The following LAMA2 variants were observed in gnomAD, a reference collection of about 807,000 sequenced individuals.
The protein encoded by LAMA2 is laminin subunit alpha 2, also known as laminin subunit alpha-2.
Under a neutral mutation model 364.8 loss-of-function variants are expected in LAMA2, and 269 were observed. The ratio of observed to expected loss-of-function variants is 0.74; its 90% CI spans 0.67 to 0.82. LAMA2 has a LOEUF of 0.82. Among genes scored for constraint, LAMA2 ranks in the 40% least tolerant of loss-of-function variants. The probability of loss-of-function intolerance (pLI) is 0.00; values close to 1 mark genes in which losing one functional copy is unlikely to be tolerated. For synonymous variants in LAMA2, 1,379 were observed against 1,370.6 expected, an observed-to-expected ratio of 1.01 and a Z score of -0.14; for missense variants, 3,807 against 3,873.2, an observed-to-expected ratio of 0.98 and a Z score of 0.45.
chr6:129,110,240 A>G (rs1049110241), intron 4 of LAMA2, among the ~76,000 whole-genome samples: 4 of 152,064 alleles, frequency 2.6e-5, no homozygotes, highest in Non-Finnish European at 5.9e-5. Flanking sequence ...CAAACTGTGA[A>G]GCAGGAACAA....
At chr6:128,943,072 T>C (rs1462984497) in intron 1 of LAMA2, among the ~76,000 whole-genome samples, 2 of 152,238 alleles carry the variant, frequency 1.3e-5, no homozygotes, top group East Asian at 1.9e-4. Context: ...TTAAGACATA[T>C]AGGTTTTATT....
chr6:128,955,639 C>T (rs941643746), intron 1 of LAMA2, among the ~76,000 whole-genome samples: 2 of 151,794 alleles, frequency 1.3e-5, no homozygotes, highest in Non-Finnish European at 3.0e-5. Flanking sequence ...CGTTTGGATA[C>T]AGTTTGGGTT....
At chr6:128,980,315 G>A (rs550744855) in intron 1 of LAMA2, among the ~76,000 whole-genome samples, 7 of 152,064 alleles carry the variant, frequency 4.6e-5, no homozygotes, top group South Asian at 2.1e-4. Flanking sequence ...ACTATATACC[G>A]CTTGAAATGT....
chr6:128,936,911 G>T (rs1255632419), intron 1 of LAMA2, among the ~76,000 whole-genome samples: 2 of 152,132 alleles, frequency 1.3e-5, no homozygotes, highest in African/African-American at 4.8e-5. Flanking sequence ...TGGATGCCAG[G>T]TGCATATGAT....
intron 2 of LAMA2, among the ~76,000 whole-genome samples, chr6:129,051,828 G>A (rs1788062441): frequency 6.6e-6 from 1 of 151,860 alleles, no homozygotes; most frequent in Non-Finnish European, 1.5e-5. Context: ...TTGGTTCAGA[G>A]ACTGGTGGCC....
At chr6:129,059,088 G>A (rs745943103) in intron 2 of LAMA2, among the ~76,000 whole-genome samples, 38 of 152,152 alleles carry the variant, frequency 2.5e-4, no homozygotes, top group Non-Finnish European at 4.4e-4. Flanking sequence ...AGGGCCAGAG[G>A]AAACTTTTCC....
chr6:129,227,784 CT>C (rs1412961590), intron 12 of LAMA2, among the ~76,000 whole-genome samples: 2 of 152,214 alleles, frequency 1.3e-5, no homozygotes, highest in African/African-American at 2.4e-5. Flanking sequence ...CAGGGATCCA[CT>C]TGAGGAGGCA....
Position 129,350,018 on chromosome 6 carries a change from T to C in LAMA2, c.4523+634T>C, listed in dbSNP as rs554455079. ...AATTGAATTCTCAGTGTAATCCAAA[T>C]GGTAAATTAAGGAGTACAGTTCCAA... On this transcript the variant is annotated intron_variant, in intron 31 of 64. Coordinates refer to ENST00000421865, the MANE Select transcript of LAMA2 (RefSeq NM_000426.4). Among the ~76,000 whole-genome samples, 3 of 152,312 alleles carry C rather than the reference T, an allele frequency of 2.0e-5. No homozygotes were observed. In the East Asian group the frequency reaches 5.8e-4, roughly 29 times the overall value.
intron 9 of LAMA2, among the ~76,000 whole-genome samples, chr6:129,169,256 G>T (rs1347907147): frequency 2.0e-5 from 3 of 147,226 alleles, no homozygotes; most frequent in Non-Finnish European, 4.4e-5. Context: ...CAAAGGGAAT[G>T]CTTCCAGTTT....
Position 129,481,304 on chromosome 6 carries a change from G to A in LAMA2, c.7614G>A (p.Glu2538=), listed in dbSNP as rs542451891. The A allele has an allele frequency of 6.8e-6, 11 of 1,613,826 alleles. 1 individual carries two copies. The African/African-American group carries it at 9.3e-5, about 14-fold the overall frequency. The stretch of plus-strand genomic sequence containing the variant: ...GCTTTCCTAAGCCTGGTTTTGTGGA[G>A]CTCTCCCCTGTGCCAATTGATGTAG... ...TVSFPKPGFV[E]LSPVPIDVGT... The change falls in exon 55 of 65, where the codon GAG becomes GAA. Residue 2538 remains glutamate (E), a synonymous_variant. Coordinates refer to ENST00000421865, the MANE Select transcript of LAMA2 (RefSeq NM_000426.4).
At position 129,190,190 on chromosome 6, in the gene LAMA2, T is replaced by C; in HGVS notation, c.1468-15T>C. 1 of 1,612,774 alleles carries C rather than the reference T, an allele frequency of 6.2e-7. No individual in the cohort carries two copies. Among genetic ancestry groups the C allele is most frequent in the Non-Finnish European group, 8.5e-7 (1 of 1,178,970 alleles). ...GAAGGATACCTCTGTTGCTGATACA[T>C]CTCTTTATTTGCAGGAAAATGTTGA... On this transcript the variant is annotated splice_polypyrimidine_tract_variant and intron_variant, in intron 10 of 64. Transcript: ENST00000421865.
chr6:128,915,428 G>A (rs972088980), intron 1 of LAMA2, among the ~76,000 whole-genome samples: 2 of 152,168 alleles, frequency 1.3e-5, no homozygotes, highest in Non-Finnish European at 2.9e-5. Flanking sequence ...AAGCGTTTCT[G>A]ATTCTCTTAG....
At chr6:128,987,343 A>G (rs1021862184) in intron 1 of LAMA2, among the ~76,000 whole-genome samples, 1 of 151,626 alleles carries the variant, frequency 6.6e-6, no homozygotes. Flanking sequence ...GGGTTTCACC[A>G]TTTTGGCGAG....
intron 37 of LAMA2, among the ~76,000 whole-genome samples, chr6:129,399,305 G>A (rs187501386): frequency 6.6e-6 from 1 of 152,288 alleles, no homozygotes; most frequent in East Asian, 1.9e-4. Context: ...AGTGTTCTAA[G>A]CTAATTCTTC....
chr6:129,415,061 G>C (rs555615249), intron 40 of LAMA2, among the ~76,000 whole-genome samples: 1 of 152,268 alleles, frequency 6.6e-6, no homozygotes, highest in South Asian at 2.1e-4. Context: ...AATATACTGA[G>C]AGCATTATTT....
At position 129,445,835 on chromosome 6, in the gene LAMA2, A is replaced by ATCGTC; in HGVS notation, c.6429+15_6429+19dup. ...CAAGCCAATTCTGTAAGTTCTTTTT[A>ATCGTC]TCGTCAGTATCAGTAACTGATTGTA... On this transcript the variant is annotated intron_variant, in intron 45 of 64. Coordinates refer to ENST00000421865, the MANE Select transcript of LAMA2 (RefSeq NM_000426.4). 6.2e-7 allele frequency: 1 copy of ATCGTC among 1,604,790 alleles called. No homozygotes were observed. Among genetic ancestry groups the ATCGTC allele is most frequent in the Non-Finnish European group, 8.5e-7 (1 of 1,171,730 alleles).
intron 1 of LAMA2, among the ~76,000 whole-genome samples, chr6:128,991,155 G>T (rs545505937): frequency 6.6e-6 from 1 of 152,214 alleles, no homozygotes; most frequent in East Asian, 1.9e-4. Context: ...TCACCTACTT[G>T]TGATTTTTAC....
chr6:129,501,641 C>T (rs762860343), intron 58 of LAMA2, among the ~76,000 whole-genome samples: 4 of 152,190 alleles, frequency 2.6e-5, no homozygotes, highest in Non-Finnish European at 5.9e-5. Context: ...TCAGCACTCA[C>T]TGGGGCAGCG....
chr6:129,321,663 G>A (rs1045266086), intron 28 of LAMA2, among the ~76,000 whole-genome samples: 1 of 152,158 alleles, frequency 6.6e-6, no homozygotes, highest in African/African-American at 2.4e-5. Flanking sequence ...TGTAGATGAT[G>A]TAAGTTTTGA....
Sources: allele counts gnomAD v4.1 joint callset (sites outside exome capture counted in the v4.1 genomes callset), GRCh38; gene constraint gnomAD v4.1.1; transcripts MANE v1.5; gene names NCBI Gene and HGNC (gene_info 2026-07-23, HGNC 2026-07-21).